CNGB1: variants seen among roughly 807,000 people sequenced by gnomAD.
CNGB1 encodes the protein cyclic nucleotide gated channel subunit beta 1, also known as cyclic nucleotide-gated channel beta-1.
Under a neutral mutation model 151.7 loss-of-function variants are expected in CNGB1, and 126 were observed. The observed-to-expected ratio is 0.83, with a 90% confidence interval of 0.72 to 0.96. The LOEUF (loss-of-function observed/expected upper bound fraction) is 0.96. Ranked by LOEUF, CNGB1 falls within the 40% of genes least tolerant of loss-of-function variation. The probability of loss-of-function intolerance (pLI) is 0.00; values close to 1 mark genes in which losing one functional copy is unlikely to be tolerated. For synonymous variants in CNGB1, 623 were observed against 635.1 expected (o/e 0.98, Z 0.29); for missense variants, 1,698 against 1,627.0 (o/e 1.04, Z -0.75).
intron 20 of CNGB1, among the ~76,000 whole-genome samples, chr16:57,917,792 A>C (rs1417724888): frequency 7.3e-6 from 1 of 136,110 alleles, no homozygotes; most frequent in African/African-American, 2.6e-5. Context: ...CAAGACCCCC[A>C]TCTCTACTTA....
At chr16:57,897,959 C>G in intron 29 of CNGB1, 45 bp from the exon 30 acceptor site, 1 of 1,598,580 alleles carries the variant, frequency 6.3e-7, no homozygotes, top group East Asian at 2.2e-5. Flanking sequence ...CCCCCAAAGT[C>G]ACCAGAGAAG....
intron 23 of CNGB1, among the ~76,000 whole-genome samples, chr16:57,913,434 C>T (rs1476534341): frequency 6.6e-6 from 1 of 152,162 alleles, no homozygotes; most frequent in Non-Finnish European, 1.5e-5. Flanking sequence ...ATATTAATAA[C>T]TACTTTTCTT....
intron 31 of CNGB1, among the ~76,000 whole-genome samples, chr16:57,893,599 A>AC (rs1960151039): frequency 2.0e-5 from 3 of 152,130 alleles, no homozygotes; most frequent in Non-Finnish European, 4.4e-5. Context: ...GAAGTCCCAG[A>AC]CCAGCCTGGT....
intron 17 of CNGB1, among the ~76,000 whole-genome samples, chr16:57,925,168 A>T (rs1031383157): frequency 2.1e-5 from 3 of 143,620 alleles, no homozygotes; most frequent in Admixed American, 7.0e-5. Context: ...ACACCAGCTA[A>T]TTTTTTTTTT....
chr16:57,944,683 G>A (rs574587351), intron 14 of CNGB1, among the ~76,000 whole-genome samples: 45 of 151,882 alleles, frequency 3.0e-4, no homozygotes, highest in African/African-American at 9.9e-4. Context: ...GGCTGGGCAC[G>A]GTGGCTCATG....
At chr16:57,911,371 C>A (rs1251581819) in intron 25 of CNGB1, among the ~76,000 whole-genome samples, 1 of 152,194 alleles carries the variant, frequency 6.6e-6, no homozygotes, top group African/African-American at 2.4e-5. Context: ...TCATTGCAAC[C>A]TCCGCCTCCT....
chr16:57,932,029 T>G (rs1961369042), intron 16 of CNGB1, 151 bp from the exon 17 acceptor site: 2 of 869,620 alleles, frequency 2.3e-6, no homozygotes, highest in East Asian at 2.6e-5. Flanking sequence ...AAAAGCTCCA[T>G]GCAGGGGGTA....
rs570021916 is a variant in CNGB1 at position 57,923,361 on chromosome 16, C to T, written c.1555G>A (p.Asp519Asn). The change falls in exon 18 of 33, where the codon GAT becomes AAT. Residue 519 changes from aspartate to asparagine, a missense_variant. Coordinates refer to ENST00000251102, the MANE Select transcript of CNGB1 (RefSeq NM_001297.5). ...GCCTTGAGCTCTTCAGCCTCATCAT[C>T]CTCAGAGGGCAGCTTCTTCCTGCAA... ...GTHRKKLPSEDDEAEELKALS... is the reference protein window; with the variant it reads ...GTHRKKLPSENDEAEELKALS... 1.8e-4 allele frequency: 286 copies of T among 1,613,392 alleles called. 5 individuals are homozygous for T. In the South Asian group the frequency reaches 2.8e-3, roughly 16 times the overall value.
chr16:57,917,593 T>A, intron 20 of CNGB1, 117 bp from the exon 21 acceptor site: 1 of 842,244 alleles, frequency 1.2e-6, no homozygotes, highest in Non-Finnish European at 2.0e-6. Flanking sequence ...GGCACTTTTG[T>A]AAGAGTGTGT....
At chr16:57,957,250 G>T (rs1207608703) in intron 12 of CNGB1, 91 bp downstream of exon 12, 2 of 1,284,110 alleles carry the variant, frequency 1.6e-6, no homozygotes, top group African/African-American at 1.4e-5. Flanking sequence ...TCTGGCCAGG[G>T]ACAGCCCCCC....
chr16:57,903,089 G>A (rs74399205), intron 27 of CNGB1, among the ~76,000 whole-genome samples: 2,966 of 151,960 alleles, frequency 0.02, 81 homozygotes, highest in African/African-American at 0.063. Context: ...ATCATGGGGT[G>A]TGCAATGCCC....
At chr16:57,955,909 G>A (rs1172948686) in intron 12 of CNGB1, among the ~76,000 whole-genome samples, 1 of 152,224 alleles carries the variant, frequency 6.6e-6, no homozygotes, top group Non-Finnish European at 1.5e-5. Context: ...TGAACTGTGG[G>A]AGAATCAGTG....
chr16:57,901,243 C>T, intron 29 of CNGB1, 109 bp downstream of exon 29: 1 of 1,089,324 alleles, frequency 9.2e-7, no homozygotes, highest in Non-Finnish European at 1.4e-6. Flanking sequence ...TCTCCCTCCC[C>T]AACAATCTCG....
At chr16:57,904,905 T>C (rs760777473) in intron 25 of CNGB1, 30 bp from the exon 26 acceptor site, 14 of 1,613,790 alleles carry the variant, frequency 8.7e-6, no homozygotes, top group South Asian at 1.1e-5. Flanking sequence ...GGAACATGGG[T>C]CATCACAGGC....
Position 57,901,539 on chromosome 16 carries a change from C to T in CNGB1, c.2881G>A (p.Ala961Thr), listed in dbSNP as rs16942445. ...ACCAAAAGGTGTACCTGAAAGAGTG[C>T]GACTTTGCTAACGATGTTGTAGTTC... Reference protein sequence around the residue: ...DVNYNIVSKVALFQGCDRQMI... With the variant: ...DVNYNIVSKVTLFQGCDRQMI... Residue 961 changes from alanine to threonine, a missense_variant, in exon 28 of 33, where the codon GCA becomes ACA. Physicochemically the swap from Ala to Thr is moderately conservative, Grantham distance 58 (BLOSUM62 0). Coordinates refer to ENST00000251102, the MANE Select transcript of CNGB1 (RefSeq NM_001297.5). 1.1e-5 allele frequency: 18 copies of T among 1,614,108 alleles called. No individual in the cohort carries two copies. The highest frequency in any genetic ancestry group is 4.5e-5 in the East Asian group (2 of 44,876).
rs1327615157 is a variant in CNGB1 at position 57,897,778 on chromosome 16, A to G, written c.3095+18T>C. Reference sequence around the variant, plus strand: ...GCCCTTGCCCCAGGCCCCTCACTTTACCCCAGCTGCGTCTGACCTTATTTC... The same window carrying G: ...GCCCTTGCCCCAGGCCCCTCACTTTGCCCCAGCTGCGTCTGACCTTATTTC... On this transcript the variant is annotated intron_variant, in intron 30 of 32. Coordinates refer to ENST00000251102, the MANE Select transcript of CNGB1 (RefSeq NM_001297.5). The G allele has an allele frequency of 1.9e-6, 3 of 1,611,768 alleles. No individual in the cohort carries two copies.
chr16:57,896,641 A>G (rs191573080), intron 31 of CNGB1, among the ~76,000 whole-genome samples: 1,926 of 152,000 alleles, frequency 0.013, 42 homozygotes, highest in African/African-American at 0.044. Flanking sequence ...TGAATCCAGG[A>G]GGCAGAGGTT....
At chr16:57,885,004 G>A (rs2075288813) in intron 32 of CNGB1, among the ~76,000 whole-genome samples, 1 of 152,196 alleles carries the variant, frequency 6.6e-6, no homozygotes, top group African/African-American at 2.4e-5. Flanking sequence ...CCTGCTATTG[G>A]GCTGCGCTGA....
intron 16 of CNGB1, among the ~76,000 whole-genome samples, chr16:57,938,545 A>G (rs1353041154): frequency 6.6e-6 from 1 of 151,806 alleles, no homozygotes; most frequent in Non-Finnish European, 1.5e-5. Context: ...TTTTTTCTTG[A>G]TTTGGAAGTC....
Sources: allele counts gnomAD v4.1 joint callset (sites outside exome capture counted in the v4.1 genomes callset), GRCh38; gene constraint gnomAD v4.1.1; transcripts MANE v1.5; gene names NCBI Gene and HGNC (gene_info 2026-07-23, HGNC 2026-07-21).